The following MDGA2 variants were observed in gnomAD, a reference collection of about 807,000 sequenced individuals.
MDGA2 encodes the protein MAM domain containing glycosylphosphatidylinositol anchor 2, also known as MAM domain-containing glycosylphosphatidylinositol anchor protein 2.
In MDGA2, 40 loss-of-function variants were observed where a neutral mutation model predicts 117.8. That is an observed-to-expected ratio of 0.34 (90% CI 0.26 to 0.44). The LOEUF (loss-of-function observed/expected upper bound fraction) is 0.44, where lower values mean the gene tolerates loss of function less well. Ranked by LOEUF, MDGA2 falls within the 20% of genes least tolerant of loss-of-function variation. The pLI, the probability that MDGA2 is intolerant of heterozygous loss-of-function variation, is 1.00. For missense variants in MDGA2, 1,123 were observed against 1,250.6 expected (o/e 0.90, Z 1.54); for synonymous variants, 452 against 439.0 (o/e 1.03, Z -0.37).
chr14:47,024,796 T>A (rs977263539), intron 8 of MDGA2, among the ~76,000 whole-genome samples: 2 of 152,190 alleles, frequency 1.3e-5, no homozygotes, highest in African/African-American at 4.8e-5. Flanking sequence ...TTTAATGTTA[T>A]AATGCATGGT....
chr14:47,418,070 T>A (rs921646158), intron 1 of MDGA2, among the ~76,000 whole-genome samples: 13 of 151,928 alleles, frequency 8.6e-5, no homozygotes, highest in African/African-American at 2.4e-4. Context: ...GGGTACTTTT[T>A]AATTTTTTAA....
At chr14:47,255,961 C>G (rs557890688) in intron 2 of MDGA2, among the ~76,000 whole-genome samples, 2 of 151,842 alleles carry the variant, frequency 1.3e-5, no homozygotes, top group African/African-American at 4.8e-5. Flanking sequence ...TTAAATTGAC[C>G]CATTTCCTGC....
chr14:46,857,509 G>A (rs1229104360), intron 14 of MDGA2, among the ~76,000 whole-genome samples: 1 of 98,636 alleles, frequency 1.0e-5, no homozygotes, highest in Non-Finnish European at 2.0e-5. Flanking sequence ...TCTCTTTCAG[G>A]CTGCTTTAGA....
chr14:47,244,517 T>C (rs1399744460), intron 2 of MDGA2, among the ~76,000 whole-genome samples: 2 of 151,864 alleles, frequency 1.3e-5, no homozygotes, highest in Non-Finnish European at 2.9e-5. Context: ...ATTGAAAGAA[T>C]CTCAATTATA....
intron 5 of MDGA2, among the ~76,000 whole-genome samples, chr14:47,111,560 A>C (rs1043502692): frequency 6.6e-6 from 1 of 152,200 alleles, no homozygotes; most frequent in Non-Finnish European, 1.5e-5. Context: ...ACAAAGCCTA[A>C]ATCCTGAAGT....
intron 6 of MDGA2, among the ~76,000 whole-genome samples, chr14:47,096,413 G>A (rs1879970698): frequency 6.6e-6 from 1 of 151,870 alleles, no homozygotes; most frequent in Non-Finnish European, 1.5e-5. Flanking sequence ...GGTAATGTTT[G>A]ATAGATCTCT....
intron 2 of MDGA2, among the ~76,000 whole-genome samples, chr14:47,238,956 A>C (rs1371056217): frequency 1.3e-5 from 2 of 151,686 alleles, no homozygotes; most frequent in Non-Finnish European, 3.0e-5. Context: ...GAAATATCTC[A>C]ATTTTTTGTT....
At chr14:47,599,312 T>TG (rs980012122) in intron 1 of MDGA2, among the ~76,000 whole-genome samples, 5 of 146,266 alleles carry the variant, frequency 3.4e-5, no homozygotes, top group African/African-American at 1.4e-4. Flanking sequence ...AGACAAATGC[T>TG]GTTTTTTTTT....
chr14:46,965,687 T>A (rs971490641), intron 8 of MDGA2, among the ~76,000 whole-genome samples: 1 of 152,198 alleles, frequency 6.6e-6, no homozygotes, highest in Non-Finnish European at 1.5e-5. Flanking sequence ...CTTTGGAATA[T>A]CCGGTGAGAA....
intron 1 of MDGA2, among the ~76,000 whole-genome samples, chr14:47,672,413 T>C (rs189813166): frequency 6.6e-6 from 1 of 152,206 alleles, no homozygotes; most frequent in Non-Finnish European, 1.5e-5. Flanking sequence ...TTTAATGCAA[T>C]TGTTTCCTAT....
At chr14:47,509,111 A>G (rs1014410806) in intron 1 of MDGA2, among the ~76,000 whole-genome samples, 1 of 152,218 alleles carries the variant, frequency 6.6e-6, no homozygotes, top group Admixed American at 6.5e-5. Flanking sequence ...ACAAGAGAAC[A>G]TGAGAAAGTA....
intron 9 of MDGA2, among the ~76,000 whole-genome samples, chr14:46,920,703 A>G (rs1212634506): frequency 1.3e-5 from 2 of 152,174 alleles, no homozygotes; most frequent in African/African-American, 4.8e-5. Flanking sequence ...TAAAAACCAC[A>G]CCGATGCCTG....
At chr14:47,223,406 T>A (rs112032672) in intron 2 of MDGA2, among the ~76,000 whole-genome samples, 2 of 152,184 alleles carry the variant, frequency 1.3e-5, no homozygotes, top group African/African-American at 4.8e-5. Flanking sequence ...TTTAATTTAA[T>A]GTTGGTTTGG....
chr14:47,145,662 C>A lies in MDGA2; in HGVS notation c.596-1388G>T, dbSNP rs12050405. Among the ~76,000 whole-genome samples, 268 of 152,210 alleles carry A rather than the reference C, an allele frequency of 1.8e-3. 4 individuals carry two copies. In the East Asian group the frequency reaches 0.04, roughly 23 times the overall value. The stretch of plus-strand genomic sequence containing the variant: ...ACTTTGGGGTCTTCAATTTCCTTGT[C>A]AGCAGATCGGAATGATAATGATACC... On this transcript the variant is annotated intron_variant, in intron 3 of 16. Coordinates refer to ENST00000399232, the MANE Select transcript of MDGA2 (RefSeq NM_001113498.3).
At chr14:47,674,108 G>C (rs1566569650) in intron 1 of MDGA2, among the ~76,000 whole-genome samples, 1 of 150,740 alleles carries the variant, frequency 6.6e-6, no homozygotes, top group African/African-American at 2.4e-5. Context: ...CGGGGGCGGA[G>C]AGGGGTGGGG....
intron 5 of MDGA2, among the ~76,000 whole-genome samples, chr14:47,106,717 ACT>A (rs1276620307): frequency 2.0e-5 from 3 of 151,610 alleles, no homozygotes; most frequent in Non-Finnish European, 2.9e-5. Flanking sequence ...GCTTCCGGTA[ACT>A]CTCACAGTGG....
chr14:47,664,807 A>G (rs890510715), intron 1 of MDGA2, among the ~76,000 whole-genome samples: 2 of 152,224 alleles, frequency 1.3e-5, no homozygotes, highest in Non-Finnish European at 1.5e-5. Flanking sequence ...AGCACTCTAA[A>G]AATTTAGACT....
At chr14:47,530,360 C>A (rs1895070666) in intron 1 of MDGA2, among the ~76,000 whole-genome samples, 1 of 152,202 alleles carries the variant, frequency 6.6e-6, no homozygotes, top group Non-Finnish European at 1.5e-5. Context: ...GCTTTTCCTG[C>A]CACTGTTACT....
At chr14:47,382,917 T>G (rs1326574495) in intron 1 of MDGA2, among the ~76,000 whole-genome samples, 1 of 152,192 alleles carries the variant, frequency 6.6e-6, no homozygotes, top group African/African-American at 2.4e-5. Flanking sequence ...ATGTTTATTG[T>G]GGCACTATTC....
Sources: gnomAD v4.1 joint callset for allele counts (sites outside exome capture counted in the v4.1 genomes callset) on GRCh38, gnomAD v4.1.1 for gene constraint, MANE v1.5 for transcripts, NCBI Gene and HGNC (gene_info 2026-07-23, HGNC 2026-07-21) for gene names.